PCDHGA11: variants seen among roughly 807,000 people sequenced by gnomAD.
PCDHGA11 encodes protocadherin gamma subfamily A, 11.
A neutral mutation model predicts 60.4 loss-of-function variants in PCDHGA11; 39 were observed. The ratio of observed to expected loss-of-function variants is 0.65; its 90% CI spans 0.50 to 0.84. The LOEUF (loss-of-function observed/expected upper bound fraction) is 0.84. Among genes scored for constraint, PCDHGA11 ranks in the 40% least tolerant of loss-of-function variants. The pLI is 0.00. For missense variants in PCDHGA11, 1,165 were observed against 1,197.7 expected (o/e 0.97, Z 0.40); for synonymous variants, 533 against 510.3 (o/e 1.04, Z -0.60).
Position 141,476,511 on chromosome 5 carries a change from A to G in PCDHGA11, c.2434-18296A>G, listed in dbSNP as rs1562054650. Reference sequence around the variant, plus strand: ...GTGATCCAGGACATCAACGACAACAATCCTGCTTTCCCTACCCAGGAAATG... The same window carrying G: ...GTGATCCAGGACATCAACGACAACAGTCCTGCTTTCCCTACCCAGGAAATG... On this transcript the variant is annotated intron_variant, in intron 1 of 3. Transcript: ENST00000398587. The surrounding 1 kb of genome is among the most constrained non-coding windows in gnomAD (Gnocchi z 7.6). The G allele has an allele frequency of 5.0e-6, 8 of 1,613,902 alleles. No individual in the cohort carries two copies. The highest frequency in any genetic ancestry group is 6.8e-6 in the Non-Finnish European group (8 of 1,179,960).
At chr5:141,426,174 G>A (rs1213063298) in intron 1 of PCDHGA11, 1 of 155,354 alleles carries the variant, frequency 6.4e-6, no homozygotes, top group Non-Finnish European at 1.4e-5. Flanking sequence ...ACGGATTGGG[G>A]TGCCCTCAAA....
Position 141,485,785 on chromosome 5 carries a change from G to C in PCDHGA11, c.2434-9022G>C. ...TGGAGAAGCCTTTGGATCGAGAGAAGCAATCGGACTACCGCCTGGTGCTGA... is the reference window on the plus strand; with the variant it reads ...TGGAGAAGCCTTTGGATCGAGAGAACCAATCGGACTACCGCCTGGTGCTGA... On this transcript the variant is annotated intron_variant, in intron 1 of 3. Coordinates refer to ENST00000398587, the MANE Select transcript of PCDHGA11 (RefSeq NM_018914.3). The surrounding 1 kb of genome is among the most constrained non-coding windows in gnomAD (Gnocchi z 5.7). The C allele has an allele frequency of 1.2e-6, 2 of 1,614,214 alleles. No individual in the cohort carries two copies. The highest frequency in any genetic ancestry group is 1.7e-6 in the Non-Finnish European group (2 of 1,180,030).
Position 141,431,046 on chromosome 5 carries a change from G to A in PCDHGA11, c.2433+7386G>A, listed in dbSNP as rs1324139757. 7 of 1,614,240 alleles carry A rather than the reference G, an allele frequency of 4.3e-6. 1 individual carries two copies. The Admixed American group carries it at 1.0e-4, about 23-fold the overall frequency. ...GGCAGGATAGACCGGGAGGAGCTCTGTATGGGGGCCATCAAGTGTCAATTA... is the reference window on the plus strand; with the variant it reads ...GGCAGGATAGACCGGGAGGAGCTCTATATGGGGGCCATCAAGTGTCAATTA... On this transcript the variant is annotated intron_variant, in intron 1 of 3. Transcript: ENST00000398587. The surrounding 1 kb of genome is among the most constrained non-coding windows in gnomAD (Gnocchi z 4.8).
chr5:141,496,132 C>T (rs865808904), intron 2 of PCDHGA11, among the ~76,000 whole-genome samples: 1 of 152,058 alleles, frequency 6.6e-6, no homozygotes, highest in African/African-American at 2.4e-5. Flanking sequence ...CCCTCACACA[C>T]TGAGCCTTTG....
chr5:141,450,220 G>A (rs898186696), intron 1 of PCDHGA11, among the ~76,000 whole-genome samples: 12 of 151,956 alleles, frequency 7.9e-5, no homozygotes, highest in African/African-American at 2.9e-4. Flanking sequence ...GTTTCACTAT[G>A]TTGGCCAGGC....
Position 141,422,110 on chromosome 5 carries a change from T to A in PCDHGA11, c.883T>A (p.Leu295Met). 1 of 1,606,626 alleles carries A rather than the reference T, an allele frequency of 6.2e-7. No homozygotes were observed. The highest frequency in any genetic ancestry group is 1.1e-5 in the South Asian group (1 of 89,408). ...AAGCAAGGCTTCTGAAATATTCCAATTGGATTCACAAACTGGAGAAGTTCA... is the reference window on the plus strand; with the variant it reads ...AAGCAAGGCTTCTGAAATATTCCAAATGGATTCACAAACTGGAGAAGTTCA... ...MESKASEIFQLDSQTGEVQVR... is the reference protein window; with the variant it reads ...MESKASEIFQMDSQTGEVQVR... Residue 295 changes from leucine to methionine, a missense_variant, in exon 1 of 4, where the codon TTG becomes ATG. Coordinates refer to ENST00000398587, the MANE Select transcript of PCDHGA11 (RefSeq NM_018914.3).
Position 141,490,162 on chromosome 5 carries a change from A to C in PCDHGA11, c.2434-4645A>C. ...TGGGGCAATCCATGTGTTGGGTCCC[A>C]TAGACTTTGAGGAGTCACGTTTCTA... On this transcript the variant is annotated intron_variant, in intron 1 of 3. Coordinates refer to ENST00000398587, the MANE Select transcript of PCDHGA11 (RefSeq NM_018914.3). The surrounding 1 kb of genome is among the most constrained non-coding windows in gnomAD (Gnocchi z 5.4). The C allele has an allele frequency of 6.2e-7, 1 of 1,614,218 alleles. No individual in the cohort carries two copies. The highest frequency in any genetic ancestry group is 8.5e-7 in the Non-Finnish European group (1 of 1,180,028).
rs2154576188 is a variant in PCDHGA11 at position 141,477,933 on chromosome 5, T to C, written c.2434-16874T>C. ...GCGGATGCAGGGCACAATGCCTGGCTCTCCTACAGTCTCTTGGGATCCCCT... is the reference window on the plus strand; with the variant it reads ...GCGGATGCAGGGCACAATGCCTGGCCCTCCTACAGTCTCTTGGGATCCCCT... On this transcript the variant is annotated intron_variant, in intron 1 of 3. Coordinates refer to ENST00000398587, the MANE Select transcript of PCDHGA11 (RefSeq NM_018914.3). The surrounding 1 kb of genome is among the most constrained non-coding windows in gnomAD (Gnocchi z 4.9). 1.2e-6 allele frequency: 2 copies of C among 1,614,112 alleles called. No homozygotes were observed. Among genetic ancestry groups the C allele is most frequent in the Non-Finnish European group, 1.7e-6 (2 of 1,180,022 alleles).
intron 1 of PCDHGA11, among the ~76,000 whole-genome samples, chr5:141,456,703 G>T (rs528071544): frequency 1.3e-5 from 2 of 152,062 alleles, no homozygotes; most frequent in Non-Finnish European, 2.9e-5. Context: ...GGTGGCTCGC[G>T]CCTGTAATCC....
Position 141,490,320 on chromosome 5 carries a change from A to G in PCDHGA11, c.2434-4487A>G. The G allele has an allele frequency of 6.2e-7, 1 of 1,614,228 alleles. No individual in the cohort carries two copies. The highest frequency in any genetic ancestry group is 1.1e-5 in the South Asian group (1 of 91,088). ...TGGCCTCTTTGGCCAACCCTGTCCT[A>G]GAGAGCACACCAGTGGGCACAGTAG... On this transcript the variant is annotated intron_variant, in intron 1 of 3. Transcript: ENST00000398587. The surrounding 1 kb of genome is among the most constrained non-coding windows in gnomAD (Gnocchi z 5.4).
chr5:141,477,710 GA>G lies in PCDHGA11; in HGVS notation c.2434-17095del. ...GCCCCTAGACTATGAGGATCGGCGG[GA>G]ATTTGAATTAACAGCTCATATCAGC... On this transcript the variant is annotated intron_variant, in intron 1 of 3. Coordinates refer to ENST00000398587, the MANE Select transcript of PCDHGA11 (RefSeq NM_018914.3). This position sits in a 1 kb window ranked among gnomAD's most constrained non-coding sequence, Gnocchi z 4.9. 2 of 1,613,918 alleles carry G rather than the reference GA, an allele frequency of 1.2e-6. No individual in the cohort carries two copies. Among genetic ancestry groups the G allele is most frequent in the Non-Finnish European group, 1.7e-6 (2 of 1,180,044 alleles).
At chr5:141,440,399 A>T (rs1215824479) in intron 1 of PCDHGA11, 1 of 152,164 alleles carries the variant, frequency 6.6e-6, no homozygotes, top group Non-Finnish European at 1.5e-5. Context: ...CCGAGAGGCA[A>T]TCGCACCACT....
At chr5:141,457,356 C>G (rs2098917888) in intron 1 of PCDHGA11, among the ~76,000 whole-genome samples, 1 of 152,170 alleles carries the variant, frequency 6.6e-6, no homozygotes, top group South Asian at 2.1e-4. Context: ...TTACCTGGCA[C>G]AATTTGCAAA....
In PCDHGA11 at chr5:141,477,070, T is replaced by A; in HGVS notation, c.2434-17737T>A. 6.2e-7 allele frequency: 1 copy of A among 1,613,342 alleles called. No individual in the cohort carries two copies. The highest frequency in any genetic ancestry group is 8.5e-7 in the Non-Finnish European group (1 of 1,179,244). ...TGGACTTCGAGGACACCAAACTCCATGAGATTTACATCCAGGCCAAAGACA... is the reference window on the plus strand; with the variant it reads ...TGGACTTCGAGGACACCAAACTCCAAGAGATTTACATCCAGGCCAAAGACA... On this transcript the variant is annotated intron_variant, in intron 1 of 3. Coordinates refer to ENST00000398587, the MANE Select transcript of PCDHGA11 (RefSeq NM_018914.3). The surrounding 1 kb of genome is among the most constrained non-coding windows in gnomAD (Gnocchi z 4.9).
chr5:141,484,333 A>T (rs1019527273), intron 1 of PCDHGA11, among the ~76,000 whole-genome samples: 2 of 152,198 alleles, frequency 1.3e-5, no homozygotes, highest in Non-Finnish European at 2.9e-5. Flanking sequence ...CCTTGAAATC[A>T]ATGAATGGTA....
At chr5:141,423,749 T>TTG (rs1249843775) in intron 1 of PCDHGA11, 89 bp downstream of exon 1, 127 of 272,264 alleles carry the variant, frequency 4.7e-4, no homozygotes, top group South Asian at 6.4e-4. Context: ...TGAAAACTGT[T>TTG]TGGGGGGGGG....
intron 1 of PCDHGA11, among the ~76,000 whole-genome samples, chr5:141,484,774 C>T (rs1269490742): frequency 6.6e-6 from 1 of 151,782 alleles, no homozygotes; most frequent in Non-Finnish European, 1.5e-5. Context: ...ATGTTGTCTG[C>T]CTCCCCACAG....
rs1275109387 is a variant in PCDHGA11 at position 141,431,924 on chromosome 5, A to G, written c.2433+8264A>G. The G allele has an allele frequency of 1.1e-5, 17 of 1,614,050 alleles. No homozygotes were observed. Among genetic ancestry groups the G allele is most frequent in the Non-Finnish European group, 1.4e-5 (17 of 1,179,982 alleles). On this transcript the variant is annotated intron_variant, in intron 1 of 3. Coordinates refer to ENST00000398587, the MANE Select transcript of PCDHGA11 (RefSeq NM_018914.3). The surrounding 1 kb of genome is among the most constrained non-coding windows in gnomAD (Gnocchi z 4.8). ...ACAGGTGATCTGTTTCATCCAAGGA[A>G]ATCTGCCCTTTAAATTAGAAAAATC... is the stretch of plus-strand genomic sequence containing the variant.
chr5:141,447,056 G>A (rs1452688256), intron 1 of PCDHGA11, among the ~76,000 whole-genome samples: 1 of 152,058 alleles, frequency 6.6e-6, no homozygotes, highest in Non-Finnish European at 1.5e-5. Flanking sequence ...CTATTAAAAT[G>A]TGTCAGGCTG....
Sources: gnomAD v4.1 joint callset for allele counts (sites outside exome capture counted in the v4.1 genomes callset) on GRCh38, gnomAD v4.1.1 for gene constraint, Gnocchi (gnomAD v3.1) non-coding constraint, MANE v1.5 for transcripts, NCBI Gene and HGNC (gene_info 2026-07-23, HGNC 2026-07-21) for gene names.